SNAPC4: variants seen among roughly 807,000 people sequenced by gnomAD.
SNAPC4 encodes small nuclear RNA activating complex polypeptide 4.
Under a neutral mutation model 151.3 loss-of-function variants are expected in SNAPC4, and 127 were observed. That is an observed-to-expected ratio of 0.84 (90% CI 0.73 to 0.97). The LOEUF is 0.97. Among genes scored for constraint, SNAPC4 ranks in the 50% least tolerant of loss-of-function variants. The pLI, the probability that SNAPC4 is intolerant of heterozygous loss-of-function variation, is 0.00. For missense variants in SNAPC4, 2,186 were observed against 1,935.0 expected (o/e 1.13, Z -2.43); for synonymous variants, 1,002 against 824.4 (o/e 1.22, Z -3.69).
chr9:136,379,374 T>C, intron 21 of SNAPC4, 75 bp from the exon 22 acceptor site: 1 of 1,586,136 alleles, frequency 6.3e-7, no homozygotes, highest in African/African-American at 1.3e-5. Context: ...TGCCATCCCC[T>C]CATCAGGAGG....
chr9:136,395,271 GACA>G, intron 5 of SNAPC4, 24 bp downstream of exon 5: 7 of 1,607,864 alleles, frequency 4.4e-6, no homozygotes, highest in Non-Finnish European at 5.9e-6. Context: ...GAGCCTTGCC[GACA>G]AGAGCAGGGC....
Position 136,379,310 on chromosome 9 carries a change from G to C in SNAPC4, c.2528-11C>G. Reference sequence around the variant, plus strand: ...TTGGGAAGAGGTGGCCTGTGGGGAGGAAAGACCCACACTTGATAAGCCCCA... The same window carrying C: ...TTGGGAAGAGGTGGCCTGTGGGGAGCAAAGACCCACACTTGATAAGCCCCA... On this transcript the variant is annotated splice_polypyrimidine_tract_variant and intron_variant, in intron 21 of 23. Transcript: ENST00000684778. 6.2e-7 allele frequency: 1 copy of C among 1,612,148 alleles called. No individual in the cohort carries two copies. The highest frequency in any genetic ancestry group is 8.5e-7 in the Non-Finnish European group (1 of 1,179,738).
rs956206607 is a variant in SNAPC4 at position 136,394,803 on chromosome 9, T to C, written c.547A>G (p.Lys183Glu). 25 of 1,613,618 alleles carry C rather than the reference T, an allele frequency of 1.5e-5. No individual in the cohort carries two copies. Among genetic ancestry groups the C allele is most frequent in the Non-Finnish European group, 2.0e-5 (24 of 1,179,896 alleles). Residue 183 changes from lysine (K) to glutamate (E), a missense_variant, in exon 6 of 24, where the codon AAA (lysine) becomes GAA (glutamate). By Grantham distance (56) the Lys-to-Glu change is moderately conservative. Transcript: ENST00000684778. ...IKAFEELLVTKWKNWEKALLR... is the reference protein window; with the variant it reads ...IKAFEELLVTEWKNWEKALLR... ...CAGGGCCGGCCAGGGCTCTTACATTTGGTCACAAGGAGCTCCTCGAAAGCC... is the reference window on the plus strand; with the variant it reads ...CAGGGCCGGCCAGGGCTCTTACATTCGGTCACAAGGAGCTCCTCGAAAGCC...
intron 14 of SNAPC4, 42 bp downstream of exon 14, chr9:136,384,678 A>G (rs967421416): frequency 9.3e-7 from 1 of 1,080,116 alleles, no homozygotes; most frequent in Non-Finnish European, 1.4e-6. Flanking sequence ...GAAACAAAAA[A>G]CAAAAAAAAG....
intron 10 of SNAPC4, among the ~76,000 whole-genome samples, chr9:136,390,442 C>T (rs1029554539): frequency 6.7e-6 from 1 of 148,586 alleles, no homozygotes; most frequent in African/African-American, 2.5e-5. Flanking sequence ...GTAGTCCCAG[C>T]TACTCGGGAG....
At chr9:136,399,466 C>G (rs1362879246) in intron 1 of SNAPC4, among the ~76,000 whole-genome samples, 1 of 152,238 alleles carries the variant, frequency 6.6e-6, no homozygotes, top group Non-Finnish European at 1.5e-5. Flanking sequence ...ACGCTTTCCT[C>G]TGGAAGCCTC....
chr9:136,398,944 G>C (rs1834362345), intron 1 of SNAPC4: 1 of 154,412 alleles, frequency 6.5e-6, no homozygotes, highest in African/African-American at 2.4e-5. Context: ...CCAGGTGGCA[G>C]GCACTAACAG....
intron 20 of SNAPC4, among the ~76,000 whole-genome samples, chr9:136,380,495 C>T (rs941834708): frequency 6.6e-6 from 1 of 152,238 alleles, no homozygotes; most frequent in African/African-American, 2.4e-5. Context: ...GCGCCCATGT[C>T]CATGACCGCC....
At position 136,392,110 on chromosome 9, in the gene SNAPC4, C is replaced by G; in HGVS notation, c.811-4G>C. ...CTGCACTGCGGCTGCCTTCAAACTG[C>G]ACCGACAGAGACACTCAGCCTTGCA... On this transcript the variant is annotated splice_polypyrimidine_tract_variant and splice_region_variant and intron_variant, in intron 9 of 23. Transcript: ENST00000684778. The G allele has an allele frequency of 6.2e-7, 1 of 1,611,518 alleles. No homozygotes were observed. The highest frequency in any genetic ancestry group is 1.1e-5 in the South Asian group (1 of 91,080).
rs780810941 is a variant in SNAPC4, at chr9:136,388,523, C to T, written c.1044G>A (p.Glu348=). Residue 348 remains glutamate (E), a synonymous_variant, in exon 11 of 24, where the codon GAG becomes GAA. Transcript: ENST00000684778. ...QQHNKALKRK[E]WTEEEDRMLT... is the part of the protein sequence containing the mutation. Reference sequence around the variant, plus strand: ...GCATGCGGTCCTCCTCCTCTGTCCACTCCTTGCGTTTCAGAGCTTTGTTGT... The same window carrying T: ...GCATGCGGTCCTCCTCCTCTGTCCATTCCTTGCGTTTCAGAGCTTTGTTGT... The T allele has an allele frequency of 3.7e-6, 6 of 1,614,112 alleles. No homozygotes were observed. The highest frequency in any genetic ancestry group is 1.1e-5 in the South Asian group (1 of 91,092).
Position 136,394,433 on chromosome 9 carries a change from C to A in SNAPC4, c.551-103G>T, listed in dbSNP as rs549941863. On this transcript the variant is annotated intron_variant, in intron 6 of 23. Transcript: ENST00000684778. The stretch of plus-strand genomic sequence containing the variant: ...CCCGAGGCAGTGGTGGGGGGCCCCA[C>A]AGCGAGTAAGCAGCACGCCAGACCT... 32 of 998,630 alleles carry A rather than the reference C, an allele frequency of 3.2e-5. No homozygotes were observed. In the East Asian group the frequency reaches 7.4e-4, roughly 23 times the overall value. 61.9% of individuals were successfully genotyped at this position (998,630 alleles called of 1,614,324 possible).
At chr9:136,388,179 A>C (rs1833953816) in intron 11 of SNAPC4, among the ~76,000 whole-genome samples, 1 of 151,814 alleles carries the variant, frequency 6.6e-6, no homozygotes, top group Non-Finnish European at 1.5e-5. Context: ...AGGCACGAGA[A>C]TCGCTTGAAC....
chr9:136,377,852 C>G lies in SNAPC4; in HGVS notation c.3975G>C (p.Glu1325Asp). 1.2e-6 allele frequency: 2 copies of G among 1,611,486 alleles called. No homozygotes were observed. Among genetic ancestry groups the G allele is most frequent in the South Asian group, 2.2e-5 (2 of 91,082 alleles). Residue 1325 changes from glutamate to aspartate, a missense_variant, in exon 22 of 24, where the codon GAG becomes GAC. Glu to Asp is a conservative substitution (Grantham distance 45). Transcript: ENST00000684778. ...CCACCACCAGGGAGGTGGCCTTGTG[C>G]TCCAGGGCCTTCTTGTGGAGTAGGA... ...SGLLLHKKAL[E>D]HKATSLVVGG... is the part of the protein sequence containing the mutation.
intron 7 of SNAPC4, among the ~76,000 whole-genome samples, chr9:136,393,723 T>C (rs1588764413): frequency 6.6e-6 from 1 of 152,254 alleles, no homozygotes; most frequent in South Asian, 2.1e-4. Context: ...ATCGTGGCTG[T>C]GTGGACTGAT....
chr9:136,392,403 G>A, intron 9 of SNAPC4, 119 bp downstream of exon 9: 1 of 1,032,228 alleles, frequency 9.7e-7, no homozygotes, highest in Non-Finnish European at 1.5e-6. Flanking sequence ...GTGGGTGGGG[G>A]GTCACAGCAG....
rs374348846 is a variant in SNAPC4, at chr9:136,396,505, C to A, written c.177+472G>T. Among the ~76,000 whole-genome samples, 46 of 152,314 alleles carry A rather than the reference C, an allele frequency of 3.0e-4. No homozygotes were observed. In the East Asian group the frequency reaches 5.0e-3, roughly 17 times the overall value. Reference sequence around the variant, plus strand: ...AATCACAGCTCACTGGAGCCTCGGCCTCCTGGGCTCAAGTGATCCTCCTGC... The same window carrying A: ...AATCACAGCTCACTGGAGCCTCGGCATCCTGGGCTCAAGTGATCCTCCTGC... On this transcript the variant is annotated intron_variant, in intron 3 of 23. Transcript: ENST00000684778.
Position 136,383,065 on chromosome 9 carries a change from T to C in SNAPC4, c.1983+121A>G. On this transcript the variant is annotated intron_variant, in intron 16 of 23. Transcript: ENST00000684778. This position sits in a 1 kb window ranked among gnomAD's most constrained non-coding sequence, Gnocchi z 4.2. Reference sequence around the variant, plus strand: ...CAGCTGTCCAGAGCTCAGCCAGAAGTAGCACGTTCTGATGCACACGAACCC... The same window carrying C: ...CAGCTGTCCAGAGCTCAGCCAGAAGCAGCACGTTCTGATGCACACGAACCC... 7.1e-7 allele frequency: 1 copy of C among 1,402,826 alleles called. No individual in the cohort carries two copies. The highest frequency in any genetic ancestry group is 1.5e-5 in the South Asian group (1 of 64,754). The allele number at this position is 1,402,826 out of a possible 1,614,324, so 86.9% of individuals were successfully genotyped here.
Position 136,378,840 on chromosome 9 carries a change from G to A in SNAPC4, c.2987C>T (p.Ala996Val), listed in dbSNP as rs1209985462. ...ALPLAPVFSE[A>V]EGTAPAASQA... ...GGAAGCAGCAGGGGCTGTGCCCTCG[G>A]CCTCTGAGAAGACAGGAGCGAGGGG... Residue 996 changes from alanine (A) to valine (V), a missense_variant, in exon 22 of 24, where the codon GCC becomes GTC. Ala to Val is a moderately conservative substitution (Grantham distance 64, BLOSUM62 0). Coordinates refer to ENST00000684778, the MANE Select transcript of SNAPC4 (RefSeq NM_003086.4). The A allele has an allele frequency of 1.9e-6, 3 of 1,605,510 alleles. No homozygotes were observed. Among genetic ancestry groups the A allele is most frequent in the Non-Finnish European group, 2.6e-6 (3 of 1,176,304 alleles).
intron 10 of SNAPC4, among the ~76,000 whole-genome samples, chr9:136,390,787 T>A (rs1834044141): frequency 6.6e-6 from 1 of 151,352 alleles, no homozygotes; most frequent in African/African-American, 2.4e-5. Flanking sequence ...TGTACCAAAC[T>A]ATGTAGCAGT....
Sources: gnomAD v4.1 joint callset for allele counts (sites outside exome capture counted in the v4.1 genomes callset) on GRCh38, gnomAD v4.1.1 for gene constraint, Gnocchi (gnomAD v3.1) non-coding constraint, MANE v1.5 for transcripts, NCBI Gene and HGNC (gene_info 2026-07-23, HGNC 2026-07-21) for gene names.